The following ARL14EP variants were observed in gnomAD, a reference collection of about 807,000 sequenced individuals.
ARL14EP encodes the protein ARF like GTPase 14 effector protein.
ARL14EP carries 12 observed loss-of-function variants against 23.1 expected under a neutral mutation model. The observed-to-expected ratio is 0.52, with a 90% CI of 0.33 to 0.84. ARL14EP has a LOEUF of 0.84. Ranked by LOEUF, ARL14EP falls within the 40% of genes least tolerant of loss-of-function variation. The pLI is 0.02. For missense variants in ARL14EP, 253 were observed against 307.3 expected, an observed-to-expected ratio of 0.82 and a Z score of 1.32; for synonymous variants, 97 against 102.0, an observed-to-expected ratio of 0.95 and a Z score of 0.29.
chr11:30,326,164 A>T (rs1421486411), intron 1 of ARL14EP, among the ~76,000 whole-genome samples: 5 of 152,210 alleles, frequency 3.3e-5, no homozygotes, highest in Admixed American at 2.6e-4. Flanking sequence ...AATATAGAAG[A>T]TATCAAAACA....
rs937643482 is a variant in ARL14EP, at chr11:30,331,344, A to T, written c.396A>T (p.Glu132Asp). ...IINGSVDVDT[E>D]DRQKRKPESD... ...ATGGAAGTGTGGATGTTGATACTGA[A>T]GACCGCCAGAAAAGGAAACCTGAGT... The change falls in exon 2 of 4, where the codon GAA becomes GAT. Residue 132 changes from glutamate (E) to aspartate (D), a missense_variant. By Grantham distance (45) the Glu-to-Asp change is conservative (BLOSUM62 2). Coordinates refer to ENST00000282032, the MANE Select transcript of ARL14EP (RefSeq NM_152316.3). The T allele has an allele frequency of 2.5e-6, 4 of 1,613,994 alleles. No individual in the cohort carries two copies. The highest frequency in any genetic ancestry group is 3.4e-6 in the Non-Finnish European group (4 of 1,179,866).
At position 30,336,967 on chromosome 11, in the gene ARL14EP, T is replaced by C; in HGVS notation, c.*172T>C. ...ATTCACTATTTGATATAAATTCAGA[T>C]AGGCTATTTTTCAGTAGTCAGCGTT... On this transcript the variant is annotated 3_prime_UTR_variant, in exon 4 of 4. Transcript: ENST00000282032. 3 of 671,848 alleles carry C rather than the reference T, an allele frequency of 4.5e-6. No homozygotes were observed. Among genetic ancestry groups the C allele is most frequent in the Non-Finnish European group, 7.7e-6 (3 of 389,596 alleles). The allele number at this position is 671,848 out of a possible 1,614,324, so 41.6% of individuals were successfully genotyped here.
At position 30,337,823 on chromosome 11, in the gene ARL14EP, T is replaced by C. The variant is rs1947345877; in HGVS notation, c.*1028T>C. On this transcript the variant is annotated 3_prime_UTR_variant, in exon 4 of 4. Transcript: ENST00000282032. ...TTGCCAGAAAAAAAGGCAAGCCCTA[T>C]TCAAACTACTTTGTTTTTACAATGA... is the stretch of plus-strand genomic sequence containing the variant. The C allele has an allele frequency of 6.6e-6, 1 of 152,256 alleles. No homozygotes were observed. Among genetic ancestry groups the C allele is most frequent in the Non-Finnish European group, 1.5e-5 (1 of 68,046 alleles). The allele number at this position is 152,256 out of a possible 1,614,324, so 9.4% of individuals were successfully genotyped here. A position where few individuals can be genotyped will look rare whatever the true frequency, so the allele number is the denominator to read the frequency against.
chr11:30,325,355 T>A (rs1163231036), intron 1 of ARL14EP, among the ~76,000 whole-genome samples: 1 of 152,000 alleles, frequency 6.6e-6, no homozygotes, highest in Non-Finnish European at 1.5e-5. Flanking sequence ...AAATGAGAAT[T>A]TGGAGGGTCT....
intron 3 of ARL14EP, among the ~76,000 whole-genome samples, chr11:30,335,257 C>T (rs1947322248): frequency 6.6e-6 from 1 of 152,192 alleles, no homozygotes; most frequent in Admixed American, 6.5e-5. Flanking sequence ...TAAGGAGTTT[C>T]TTCTTAGAGA....
chr11:30,338,135 T>C lies in ARL14EP; in HGVS notation c.*1340T>C, dbSNP rs1190262979. On this transcript the variant is annotated 3_prime_UTR_variant, in exon 4 of 4. Transcript: ENST00000282032. ...TTGATAGAACCGACTAGTTGAGTAT[T>C]AAACTGTTTTGGAAATAATTTATAT... 6.6e-6 allele frequency: 1 copy of C among 152,238 alleles called. No homozygotes were observed. Among genetic ancestry groups the C allele is most frequent in the Non-Finnish European group, 1.5e-5 (1 of 68,046 alleles). 9.4% of individuals were successfully genotyped at this position (152,238 alleles called of 1,614,324 possible).
chr11:30,324,748 C>T (rs1040120636), intron 1 of ARL14EP, among the ~76,000 whole-genome samples: 1 of 152,180 alleles, frequency 6.6e-6, no homozygotes, highest in Admixed American at 6.5e-5. Flanking sequence ...CTGGATAATT[C>T]CCTGAGCTGG....
At chr11:30,329,118 T>C (rs1055199139) in intron 1 of ARL14EP, 6 of 152,194 alleles carry the variant, frequency 3.9e-5, no homozygotes, top group African/African-American at 7.2e-5. Flanking sequence ...AAATGTGATA[T>C]ATGTTACTCT....
chr11:30,327,230 G>A (rs551910642), intron 1 of ARL14EP, among the ~76,000 whole-genome samples: 1 of 152,242 alleles, frequency 6.6e-6, no homozygotes, highest in East Asian at 1.9e-4. Context: ...AAGTTACAGA[G>A]TCTATTCCAT....
At chr11:30,326,833 T>C (rs1370136806) in intron 1 of ARL14EP, among the ~76,000 whole-genome samples, 3 of 151,954 alleles carry the variant, frequency 2.0e-5, no homozygotes, top group Non-Finnish European at 4.4e-5. Context: ...TTTACTCAGG[T>C]GTGTGCAGTT....
intron 3 of ARL14EP, 55 bp from the exon 4 acceptor site, chr11:30,336,512 T>C: frequency 6.9e-7 from 1 of 1,446,744 alleles, no homozygotes; most frequent in South Asian, 1.2e-5. Flanking sequence ...GTATTTTCAA[T>C]TAAATCAAAA....
intron 2 of ARL14EP, 129 bp from the exon 3 acceptor site, chr11:30,332,737 T>G: frequency 8.5e-7 from 1 of 1,182,958 alleles, no homozygotes; most frequent in Non-Finnish European, 1.2e-6. Flanking sequence ...CTCTAAAACC[T>G]TGTTTTCTTT....
intron 1 of ARL14EP, among the ~76,000 whole-genome samples, chr11:30,325,906 T>C (rs1048875329): frequency 3.9e-5 from 6 of 152,198 alleles, no homozygotes; most frequent in Non-Finnish European, 7.3e-5. Flanking sequence ...GTTGGTTATC[T>C]ACAGTTGACA....
intron 1 of ARL14EP, chr11:30,328,615 A>G (rs1325223266): frequency 6.6e-6 from 1 of 152,168 alleles, no homozygotes; most frequent in African/African-American, 2.4e-5. Context: ...AACACTTTAA[A>G]GTGTATTTTA....
chr11:30,325,981 TGAAAG>T (rs1947232538), intron 1 of ARL14EP, among the ~76,000 whole-genome samples: 2 of 152,200 alleles, frequency 1.3e-5, no homozygotes, highest in South Asian at 4.1e-4. Flanking sequence ...TGTGAAAACC[TGAAAG>T]GCTGTGCTCT....
In ARL14EP at chr11:30,337,251, G is replaced by T. The variant is rs1482627000; in HGVS notation, c.*456G>T. On this transcript the variant is annotated 3_prime_UTR_variant, in exon 4 of 4. Coordinates refer to ENST00000282032, the MANE Select transcript of ARL14EP (RefSeq NM_152316.3). The stretch of plus-strand genomic sequence containing the variant: ...TCTACAAATCGCTATGTAAATAACA[G>T]ATATGCTTCATGATTGTGACCAGTC... The T allele has an allele frequency of 1.0e-5, 2 of 191,956 alleles. No homozygotes were observed. The highest frequency in any genetic ancestry group is 2.2e-5 in the Non-Finnish European group (2 of 92,380). The allele number at this position is 191,956 out of a possible 1,614,324, so 11.9% of individuals were successfully genotyped here.
intron 1 of ARL14EP, among the ~76,000 whole-genome samples, chr11:30,327,261 G>A (rs1050243114): frequency 6.6e-6 from 1 of 152,030 alleles, no homozygotes; most frequent in South Asian, 2.1e-4. Context: ...TAATCATGAT[G>A]AACTCTGTTG....
chr11:30,336,486 C>CT (rs554950398), intron 3 of ARL14EP, 81 bp from the exon 4 acceptor site: 21,725 of 718,028 alleles, frequency 0.03, 2 homozygotes, highest in East Asian at 0.038. Context: ...ATTTTATCTC[C>CT]TTTTTTTTTT....
chr11:30,324,427 A>C (rs1183161570), intron 1 of ARL14EP, among the ~76,000 whole-genome samples: 1 of 152,204 alleles, frequency 6.6e-6, no homozygotes, highest in African/African-American at 2.4e-5. Flanking sequence ...GGAAATTAAC[A>C]TATTGGAACG....
Sources: gnomAD v4.1 joint callset for allele counts (sites outside exome capture counted in the v4.1 genomes callset) on GRCh38, gnomAD v4.1.1 for gene constraint, MANE v1.5 for transcripts, NCBI Gene and HGNC (gene_info 2026-07-23, HGNC 2026-07-21) for gene names.